Variants in IL1RAP observed in about 807,000 individuals in gnomAD.
IL1RAP encodes interleukin 1 receptor accessory protein, also known as interleukin-1 receptor accessory protein.
IL1RAP carries 35 observed loss-of-function variants against 60.7 expected under a neutral mutation model. That is an observed-to-expected ratio of 0.58 (90% confidence interval 0.44 to 0.76). The LOEUF (loss-of-function observed/expected upper bound fraction) is 0.76, where lower values mean the gene tolerates loss of function less well. IL1RAP is among the 30% of genes least tolerant of loss of function. IL1RAP has a pLI of 0.00. For missense variants in IL1RAP, 572 were observed against 693.9 expected (o/e 0.82, Z 1.97); for synonymous variants, 268 against 250.9 (o/e 1.07, Z -0.64).
intron 5 of IL1RAP, among the ~76,000 whole-genome samples, chr3:190,609,395 A>G (rs1056088901): frequency 2.0e-5 from 3 of 152,176 alleles, no homozygotes; most frequent in Non-Finnish European, 4.4e-5. Flanking sequence ...TATTTCTGAA[A>G]TTATTCTAAC....
At chr3:190,618,639 T>C (rs1404423194) in intron 5 of IL1RAP, among the ~76,000 whole-genome samples, 2 of 152,148 alleles carry the variant, frequency 1.3e-5, no homozygotes, top group Non-Finnish European at 2.9e-5. Context: ...ACCACAAAAA[T>C]AAAATAGTTC....
Position 190,651,163 on chromosome 3 carries a change from A to C in IL1RAP, c.*2458A>C, listed in dbSNP as rs1405502331. 1 of 982,324 alleles carries C rather than the reference A, an allele frequency of 1.0e-6. No homozygotes were observed. Among genetic ancestry groups the C allele is most frequent in the East Asian group, 1.1e-4 (1 of 8,810 alleles). The allele number at this position is 982,324 out of a possible 1,614,324, so 60.9% of individuals were successfully genotyped here. ...AGAGAACAAGAACAAACCATGTCTCAAATTTTTTTAAAAAAAATTAATGGT... is the reference window on the plus strand; with the variant it reads ...AGAGAACAAGAACAAACCATGTCTCCAATTTTTTTAAAAAAAATTAATGGT... On this transcript the variant is annotated 3_prime_UTR_variant, in exon 12 of 12. Coordinates refer to ENST00000447382, the MANE Select transcript of IL1RAP (RefSeq NM_002182.4).
chr3:190,627,299 TG>T, intron 7 of IL1RAP, 23 bp from the exon 8 acceptor site: 1 of 1,486,822 alleles, frequency 6.7e-7, no homozygotes, highest in Non-Finnish European at 8.8e-7. Flanking sequence ...TTGTTTTTTT[TG>T]TTTTTTTGGT....
At chr3:190,593,063 C>T (rs1355242377) in intron 3 of IL1RAP, among the ~76,000 whole-genome samples, 1 of 152,110 alleles carries the variant, frequency 6.6e-6, no homozygotes, top group East Asian at 1.9e-4. Context: ...GTGGATTTCT[C>T]CCTCACCAAA....
intron 5 of IL1RAP, among the ~76,000 whole-genome samples, chr3:190,618,735 C>T (rs1336741296): frequency 1.3e-5 from 2 of 152,090 alleles, no homozygotes; most frequent in Non-Finnish European, 2.9e-5. Context: ...TTTGTGATAT[C>T]CTAAGGATAT....
intron 1 of IL1RAP, among the ~76,000 whole-genome samples, chr3:190,529,379 C>T (rs776739074): frequency 1.3e-5 from 2 of 148,580 alleles, no homozygotes; most frequent in Non-Finnish European, 3.0e-5. Flanking sequence ...CGTGGTGAAA[C>T]CCCTTCTCTA....
chr3:190,608,804 G>A (rs1730574255), intron 4 of IL1RAP, among the ~76,000 whole-genome samples, 191 bp from the exon 5 acceptor site: 1 of 138,926 alleles, frequency 7.2e-6, no homozygotes, highest in Admixed American at 7.6e-5. Context: ...AATTAATTGT[G>A]CCTGTTTTTT....
chr3:190,597,474 C>A (rs547162413), intron 3 of IL1RAP, among the ~76,000 whole-genome samples: 23 of 152,260 alleles, frequency 1.5e-4, no homozygotes, highest in Non-Finnish European at 2.6e-4. Context: ...TGGCAGGAAT[C>A]CAGATTCCTC....
At chr3:190,569,145 A>G (rs1726688074) in intron 3 of IL1RAP, among the ~76,000 whole-genome samples, 1 of 152,246 alleles carries the variant, frequency 6.6e-6, no homozygotes, top group Non-Finnish European at 1.5e-5. Flanking sequence ...GGAACAAATT[A>G]TGCAGGACGG....
intron 9 of IL1RAP, among the ~76,000 whole-genome samples, chr3:190,639,489 T>C (rs568391389): frequency 3.4e-4 from 52 of 152,200 alleles, no homozygotes; most frequent in Non-Finnish European, 7.3e-4. Context: ...TGATATTTTC[T>C]ATTTGCTGTT....
intron 5 of IL1RAP, among the ~76,000 whole-genome samples, chr3:190,615,071 T>C (rs1337137746): frequency 6.6e-6 from 1 of 151,708 alleles, no homozygotes; most frequent in Admixed American, 6.6e-5. Context: ...CTTTTTTTTT[T>C]CTGCATGGCG....
intron 4 of IL1RAP, among the ~76,000 whole-genome samples, chr3:190,607,311 G>T (rs1421651926): frequency 6.6e-6 from 1 of 152,012 alleles, no homozygotes; most frequent in Non-Finnish European, 1.5e-5. Context: ...TTTTATTATT[G>T]TATGTTCTTT....
chr3:190,605,387 C>T (rs1730230175), intron 4 of IL1RAP, among the ~76,000 whole-genome samples: 1 of 152,076 alleles, frequency 6.6e-6, no homozygotes, highest in Non-Finnish European at 1.5e-5. Context: ...AAAACTGAGG[C>T]CTCTCCACAG....
rs1405796465 is a variant in IL1RAP, at chr3:190,651,452, A to G, written c.*2747A>G. 2.1e-5 allele frequency: 12 copies of G among 562,232 alleles called. No homozygotes were observed. Among genetic ancestry groups the G allele is most frequent in the African/African-American group, 2.0e-4 (10 of 49,018 alleles). 34.8% of individuals were successfully genotyped at this position (562,232 alleles called of 1,614,324 possible). On this transcript the variant is annotated 3_prime_UTR_variant, in exon 12 of 12. Coordinates refer to ENST00000447382, the MANE Select transcript of IL1RAP (RefSeq NM_002182.4). ...TCATTCATGAACTTTTGTATTTTTC[A>G]TTTTTCATTTGATTTGTAAATTTAC...
chr3:190,585,736 C>T (rs567870155), intron 3 of IL1RAP, among the ~76,000 whole-genome samples: 20 of 151,860 alleles, frequency 1.3e-4, no homozygotes, highest in African/African-American at 3.1e-4. Flanking sequence ...TGCTTGAACC[C>T]GGGAGGCTGA....
At chr3:190,533,243 A>G (rs1003704805) in intron 1 of IL1RAP, among the ~76,000 whole-genome samples, 3 of 152,208 alleles carry the variant, frequency 2.0e-5, no homozygotes, top group Non-Finnish European at 4.4e-5. Flanking sequence ...TATTACAATT[A>G]GGGCCATATG....
rs538268454 is a variant in IL1RAP at position 190,583,882 on chromosome 3, T to C, written c.64+19529T>C. On this transcript the variant is annotated intron_variant, in intron 3 of 11. Transcript: ENST00000447382. Reference sequence around the variant, plus strand: ...GGCAGGAACTTAACCTTTTAAAATTTATTTTTATTTTTATTCACTCTTATT... The same window carrying C: ...GGCAGGAACTTAACCTTTTAAAATTCATTTTTATTTTTATTCACTCTTATT... Among the ~76,000 whole-genome samples the C allele has an allele frequency of 5.9e-5, 9 of 152,344 alleles. No individual in the cohort carries two copies. The South Asian group carries it at 1.7e-3, about 28-fold the overall frequency.
At chr3:190,580,521 A>T (rs1443251963) in intron 3 of IL1RAP, among the ~76,000 whole-genome samples, 1 of 152,254 alleles carries the variant, frequency 6.6e-6, no homozygotes, top group Non-Finnish European at 1.5e-5. Flanking sequence ...GGAGGACATT[A>T]TGCTAAGTTA....
At position 190,651,162 on chromosome 3, in the gene IL1RAP, C is replaced by T; in HGVS notation, c.*2457C>T. 1.0e-6 allele frequency: 1 copy of T among 980,514 alleles called. No homozygotes were observed. The highest frequency in any genetic ancestry group is 1.2e-6 in the Non-Finnish European group (1 of 827,734). The allele number at this position is 980,514 out of a possible 1,614,324, so 60.7% of individuals were successfully genotyped here. A position where few individuals can be genotyped will look rare whatever the true frequency, so the allele number is the denominator to read the frequency against. On this transcript the variant is annotated 3_prime_UTR_variant, in exon 12 of 12. Transcript: ENST00000447382. Reference sequence around the variant, plus strand: ...TAGAGAACAAGAACAAACCATGTCTCAAATTTTTTTAAAAAAAATTAATGG... The same window carrying T: ...TAGAGAACAAGAACAAACCATGTCTTAAATTTTTTTAAAAAAAATTAATGG...
Sources: allele counts gnomAD v4.1 joint callset (sites outside exome capture counted in the v4.1 genomes callset), GRCh38; gene constraint gnomAD v4.1.1; transcripts MANE v1.5; gene names NCBI Gene and HGNC (gene_info 2026-07-23, HGNC 2026-07-21).